The following ZFAND3 variants were observed in gnomAD, a reference collection of about 807,000 sequenced individuals.
The protein encoded by ZFAND3 is zinc finger AN1-type containing 3.
In ZFAND3, 10 loss-of-function variants were observed where a neutral mutation model predicts 29.6. The ratio of observed to expected loss-of-function variants is 0.34; its 90% CI spans 0.21 to 0.57. The LOEUF (loss-of-function observed/expected upper bound fraction) is 0.57, where lower values mean the gene tolerates loss of function less well. Ranked by LOEUF, ZFAND3 falls within the 20% of genes least tolerant of loss-of-function variation. The pLI is 0.86. For synonymous variants in ZFAND3, 128 were observed against 112.6 expected (o/e 1.14, Z -0.87); for missense variants, 230 against 304.5 (o/e 0.76, Z 1.82).
rs1403792171 is a variant in ZFAND3, at chr6:38,019,686, T to C, written c.113-41907T>C. Among the ~76,000 whole-genome samples the C allele has an allele frequency of 3.3e-5, 5 of 152,220 alleles. No homozygotes were observed. The East Asian group carries it at 9.6e-4, about 29-fold the overall frequency. On this transcript the variant is annotated intron_variant, in intron 2 of 5. Coordinates refer to ENST00000287218, the MANE Select transcript of ZFAND3 (RefSeq NM_021943.3). Reference sequence around the variant, plus strand: ...TAGTTAACTAGGCTTATGTTTTTGATGAAAGACATCTTAAACATTAATATC... The same window carrying C: ...TAGTTAACTAGGCTTATGTTTTTGACGAAAGACATCTTAAACATTAATATC...
intron 2 of ZFAND3, among the ~76,000 whole-genome samples, chr6:37,988,719 A>T (rs1272110215): frequency 6.6e-6 from 1 of 152,156 alleles, no homozygotes; most frequent in Non-Finnish European, 1.5e-5. Flanking sequence ...TGGTTATTTA[A>T]GGATGTGGCC....
chr6:37,953,795 A>G, intron 2 of ZFAND3, among the ~76,000 whole-genome samples: 1 of 152,138 alleles, frequency 6.6e-6, no homozygotes, highest in African/African-American at 2.4e-5. Context: ...AGAAGATATC[A>G]TATGTACTTG....
chr6:37,948,558 C>T (rs1340528094), intron 2 of ZFAND3, among the ~76,000 whole-genome samples: 2 of 152,122 alleles, frequency 1.3e-5, no homozygotes, highest in Non-Finnish European at 2.9e-5. Flanking sequence ...GATTAGTCAC[C>T]CAGGTGATAA....
chr6:37,846,704 A>ATTTTTTTTTTTT (rs59448343), intron 1 of ZFAND3, among the ~76,000 whole-genome samples: 1 of 140,898 alleles, frequency 7.1e-6, no homozygotes. Flanking sequence ...TATACTTGTG[A>ATTTTTTTTTTTT]TTTTTTTTTT....
intron 3 of ZFAND3, among the ~76,000 whole-genome samples, chr6:38,069,389 G>T (rs988610608): frequency 1.3e-5 from 2 of 152,180 alleles, no homozygotes; most frequent in African/African-American, 2.4e-5. Context: ...AAAGCATCAG[G>T]CCATTTATCA....
intron 5 of ZFAND3, among the ~76,000 whole-genome samples, chr6:38,139,284 G>A (rs1342084310): frequency 6.6e-6 from 1 of 152,032 alleles, no homozygotes; most frequent in African/African-American, 2.4e-5. Flanking sequence ...AAAATATTTT[G>A]AGTGAACCAA....
At chr6:37,878,924 T>C (rs1561920212) in intron 1 of ZFAND3, among the ~76,000 whole-genome samples, 1 of 152,200 alleles carries the variant, frequency 6.6e-6, no homozygotes, top group Non-Finnish European at 1.5e-5. Flanking sequence ...GGTCAGCTGC[T>C]CCAGGTAACC....
intron 5 of ZFAND3, among the ~76,000 whole-genome samples, chr6:38,122,628 C>T (rs1278787846): frequency 1.3e-5 from 2 of 152,048 alleles, no homozygotes; most frequent in African/African-American, 4.8e-5. Context: ...CCTAAATTTC[C>T]CCAATCCTGG....
At chr6:38,124,844 C>T (rs1765605111) in intron 5 of ZFAND3, among the ~76,000 whole-genome samples, 3 of 152,138 alleles carry the variant, frequency 2.0e-5, no homozygotes, top group Non-Finnish European at 2.9e-5. Flanking sequence ...CAAGAGTGAG[C>T]GAGGGCTGCG....
At chr6:38,099,297 C>T (rs1765045757) in intron 4 of ZFAND3, among the ~76,000 whole-genome samples, 1 of 152,144 alleles carries the variant, frequency 6.6e-6, no homozygotes, top group Non-Finnish European at 1.5e-5. Flanking sequence ...TCATGGGGGA[C>T]TTAATATTGT....
intron 1 of ZFAND3, among the ~76,000 whole-genome samples, chr6:37,899,438 T>C (rs546157617): frequency 6.6e-6 from 1 of 152,322 alleles, no homozygotes; most frequent in East Asian, 1.9e-4. Flanking sequence ...CAATAGTGGC[T>C]GAGTAGCCAC....
intron 3 of ZFAND3, among the ~76,000 whole-genome samples, chr6:38,070,479 C>CT (rs148266070): frequency 0.072 from 10,836 of 151,116 alleles, 458 homozygotes; most frequent in Non-Finnish European, 0.087. Flanking sequence ...TGTTTTATAA[C>CT]TGCTTTTTAA....
intron 1 of ZFAND3, among the ~76,000 whole-genome samples, chr6:37,891,467 G>A (rs912894007): frequency 6.8e-6 from 1 of 147,322 alleles, no homozygotes; most frequent in Admixed American, 6.9e-5. Context: ...GGCAGTGCAT[G>A]CCATGCCTGT....
intron 2 of ZFAND3, among the ~76,000 whole-genome samples, chr6:37,941,175 AT>A (rs1351661223): frequency 1.3e-5 from 2 of 152,336 alleles, no homozygotes; most frequent in Non-Finnish European, 2.9e-5. Flanking sequence ...AAGAACTGAG[AT>A]TTGATCAATG....
chr6:37,977,884 CT>C (rs1469541993), intron 2 of ZFAND3, among the ~76,000 whole-genome samples: 62 of 136,768 alleles, frequency 4.5e-4, no homozygotes, highest in Non-Finnish European at 8.0e-4. Flanking sequence ...TTCTTCCTTC[CT>C]TTCTCTCCTC....
chr6:37,978,967 T>TC (rs1299576481), intron 2 of ZFAND3, among the ~76,000 whole-genome samples: 4 of 152,122 alleles, frequency 2.6e-5, no homozygotes, highest in Non-Finnish European at 2.9e-5. Context: ...TTTTTTTTTT[T>TC]TCTCTAGTCA....
intron 2 of ZFAND3, among the ~76,000 whole-genome samples, chr6:38,014,573 C>T (rs775596825): frequency 2.2e-4 from 34 of 152,158 alleles, no homozygotes; most frequent in Admixed American, 5.9e-4. Flanking sequence ...GTGATCTACC[C>T]GCCTCAGCCT....
intron 1 of ZFAND3, among the ~76,000 whole-genome samples, chr6:37,875,883 C>T (rs1320642193): frequency 2.0e-5 from 3 of 151,338 alleles, no homozygotes; most frequent in Non-Finnish European, 4.4e-5. Context: ...GTTGCCCAGG[C>T]TGGTCTCAAA....
chr6:37,902,553 A>G (rs1765338043), intron 1 of ZFAND3, among the ~76,000 whole-genome samples: 1 of 152,102 alleles, frequency 6.6e-6, no homozygotes, highest in Non-Finnish European at 1.5e-5. Flanking sequence ...TTATAAAAGA[A>G]AATGTTGTTC....
Sources: allele counts gnomAD v4.1 joint callset (sites outside exome capture counted in the v4.1 genomes callset), GRCh38; gene constraint gnomAD v4.1.1; transcripts MANE v1.5; gene names NCBI Gene and HGNC (gene_info 2026-07-23, HGNC 2026-07-21).